Variants in METTL2B observed in about 807,000 individuals in gnomAD.
The protein encoded by METTL2B is tRNA N(3)-cytidine methyltransferase METTL2B.
METTL2B carries 28 observed loss-of-function variants against 51.0 expected under a neutral mutation model. The ratio of observed to expected loss-of-function variants is 0.55; its 90% CI spans 0.41 to 0.75. The LOEUF is 0.75. METTL2B is among the 30% of genes least tolerant of loss of function. The pLI is 0.00. For synonymous variants in METTL2B, 128 were observed against 166.3 expected (o/e 0.77, Z 1.77); for missense variants, 313 against 460.7 (o/e 0.68, Z 2.93).
intron 4 of METTL2B, chr7:128,484,232 T>TGTTGTTTTG (rs775981883): frequency 4.8e-5 from 4 of 83,558 alleles, no homozygotes; most frequent in East Asian, 4.0e-4. Flanking sequence ...TTTTTTTTTT[T>TGTTGTTTTG]TTTTTTTTTT....
At chr7:128,495,393 C>T (rs763615306) in intron 6 of METTL2B, among the ~76,000 whole-genome samples, 1 of 152,166 alleles carries the variant, frequency 6.6e-6, no homozygotes, top group Non-Finnish European at 1.5e-5. Flanking sequence ...TCCTAAAATA[C>T]ACCATTAAAA....
At chr7:128,484,742 GC>G (rs1292598132) in intron 4 of METTL2B, among the ~76,000 whole-genome samples, 1 of 151,864 alleles carries the variant, frequency 6.6e-6, no homozygotes, top group African/African-American at 2.4e-5. Flanking sequence ...ACAAGCGCCC[GC>G]CACCACACCC....
chr7:128,500,782 G>A (rs995988227), intron 7 of METTL2B, 121 bp from the exon 8 acceptor site: 17 of 1,103,990 alleles, frequency 1.5e-5, no homozygotes, highest in Admixed American at 6.4e-5. Context: ...TGCTCTTCCC[G>A]AAGCACTGAG....
intron 2 of METTL2B, 68 bp from the exon 3 acceptor site, chr7:128,479,090 A>G: frequency 2.1e-6 from 3 of 1,439,456 alleles, no homozygotes; most frequent in Non-Finnish European, 2.8e-6. Context: ...AAAGCAGGAT[A>G]ATTGACGTTA....
chr7:128,482,734 G>A (rs1241536169), intron 4 of METTL2B, among the ~76,000 whole-genome samples: 1 of 151,622 alleles, frequency 6.6e-6, no homozygotes, highest in South Asian at 2.1e-4. Flanking sequence ...GGGTTTCGCC[G>A]TGTCGGCTAG....
intron 2 of METTL2B, chr7:128,477,820 T>TTC (rs984458043): frequency 6.9e-5 from 22 of 318,916 alleles, no homozygotes; most frequent in African/African-American, 3.2e-4. Context: ...GCTGAAAGAG[T>TTC]TCTGTACAAC....
At chr7:128,484,233 T>TTTTTTTTTGTTTTTTTTTTTTTG (rs1554428855) in intron 4 of METTL2B, 1 of 72,402 alleles carries the variant, frequency 1.4e-5, no homozygotes, top group Non-Finnish European at 3.4e-5. Flanking sequence ...TTTTTTTTTT[T>TTTTTTTTTGTTTTTTTTTTTTTG]TTTTTTTTTT....
intron 5 of METTL2B, among the ~76,000 whole-genome samples, chr7:128,493,470 C>T (rs568667283): frequency 7.1e-4 from 108 of 152,266 alleles, no homozygotes; most frequent in Non-Finnish European, 9.0e-4. Flanking sequence ...CCTTGGCCTC[C>T]CAAAGTGCTG....
intron 4 of METTL2B, among the ~76,000 whole-genome samples, chr7:128,487,818 G>A (rs547741859): frequency 6.6e-6 from 1 of 152,112 alleles, no homozygotes; most frequent in East Asian, 1.9e-4. Context: ...GGCTTCATTT[G>A]AGGGAAAAGT....
Position 128,479,268 on chromosome 7 carries a change from C to T in METTL2B, c.313C>T (p.Pro105Ser), listed in dbSNP as rs772854007. The change falls in exon 3 of 9, where the codon CCT becomes TCT. Residue 105 changes from proline to serine, a missense_variant. Transcript: ENST00000262432. ...WLFTEFPELA[P>S]SQNQNHLKDW... ...TTTTACCGAATTCCCTGAGCTGGCACCTAGCCAAAATCAAAATCATTTGAA... is the reference window on the plus strand; with the variant it reads ...TTTTACCGAATTCCCTGAGCTGGCATCTAGCCAAAATCAAAATCATTTGAA... 3.2e-5 allele frequency: 52 copies of T among 1,614,024 alleles called. No homozygotes were observed. Among genetic ancestry groups the T allele is most frequent in the South Asian group, 6.6e-5 (6 of 91,090 alleles).
intron 1 of METTL2B, 44 bp from the exon 2 acceptor site, chr7:128,477,038 A>G (rs780470053): frequency 2.7e-5 from 43 of 1,613,722 alleles, no homozygotes; most frequent in Non-Finnish European, 3.4e-5. Context: ...CCCTGCTCGC[A>G]GCCAGGACGT....
At chr7:128,484,656 G>C (rs762354143) in intron 4 of METTL2B, among the ~76,000 whole-genome samples, 1 of 151,884 alleles carries the variant, frequency 6.6e-6, no homozygotes, top group African/African-American at 2.4e-5. Context: ...GCAGTGGCAC[G>C]ATCTTGGCTC....
chr7:128,490,634 G>C (rs1478879343), intron 5 of METTL2B, among the ~76,000 whole-genome samples: 6 of 152,004 alleles, frequency 3.9e-5, no homozygotes. Flanking sequence ...GTATTTCCTA[G>C]TTTTGCACGT....
chr7:128,484,183 T>A (rs1792640440), intron 4 of METTL2B: 1 of 149,086 alleles, frequency 6.7e-6, no homozygotes, highest in Non-Finnish European at 1.5e-5. Flanking sequence ...TTACAGCCTT[T>A]TTATGTTTCT....
chr7:128,495,981 T>C (rs1387356015), intron 6 of METTL2B, among the ~76,000 whole-genome samples: 10 of 152,072 alleles, frequency 6.6e-5, no homozygotes, highest in African/African-American at 2.4e-4. Context: ...AGTAAATTAG[T>C]GTTAAAGGTC....
At chr7:128,480,488 A>G (rs563562628) in intron 3 of METTL2B, among the ~76,000 whole-genome samples, 159 bp from the exon 4 acceptor site, 10 of 152,334 alleles carry the variant, frequency 6.6e-5, no homozygotes, top group Non-Finnish European at 1.3e-4. Flanking sequence ...GTCAACATCA[A>G]AATCAACAAA....
intron 5 of METTL2B, among the ~76,000 whole-genome samples, chr7:128,491,229 G>A (rs1792824062): frequency 1.3e-5 from 2 of 151,486 alleles, no homozygotes; most frequent in Non-Finnish European, 2.9e-5. Flanking sequence ...GGCTGAGGTG[G>A]GCAGATCACT....
chr7:128,502,210 A>G lies in METTL2B; in HGVS notation c.*294A>G, dbSNP rs113730671. ...AAAGTTACTTTGTATCAGGATTCTA[A>G]CAATTATGCTTCATATTTGTGAAGT... On this transcript the variant is annotated 3_prime_UTR_variant, in exon 9 of 9. Coordinates refer to ENST00000262432, the MANE Select transcript of METTL2B (RefSeq NM_018396.3). 2.8e-6 allele frequency: 1 copy of G among 363,022 alleles called. No individual in the cohort carries two copies. The highest frequency in any genetic ancestry group is 4.9e-6 in the Non-Finnish European group (1 of 203,848). 22.5% of individuals were successfully genotyped at this position (363,022 alleles called of 1,614,324 possible).
chr7:128,477,996 A>G (rs572407244), intron 2 of METTL2B: 8 of 444,402 alleles, frequency 1.8e-5, no homozygotes, highest in African/African-American at 1.6e-4. Context: ...CCCAGAGGTA[A>G]GCAGTCAGTA....
Sources: allele counts gnomAD v4.1 joint callset (sites outside exome capture counted in the v4.1 genomes callset), GRCh38; gene constraint gnomAD v4.1.1; transcripts MANE v1.5; gene names NCBI Gene and HGNC (gene_info 2026-07-23, HGNC 2026-07-21).